ST8SIA6: variants seen among roughly 807,000 people sequenced by gnomAD.
ST8SIA6 encodes ST8 alpha-N-acetyl-neuraminide alpha-2,8-sialyltransferase 6.
ST8SIA6 carries 39 observed loss-of-function variants against 33.6 expected under a neutral mutation model. The observed-to-expected ratio is 1.16, with a 90% confidence interval of 0.90 to 1.52. The LOEUF (loss-of-function observed/expected upper bound fraction) is 1.52. Among genes scored for constraint, ST8SIA6 ranks in the 40% most tolerant of loss-of-function variants. The pLI is 0.00. For synonymous variants in ST8SIA6, 172 were observed against 167.2 expected (o/e 1.03, Z -0.22); for missense variants, 441 against 443.8 (o/e 0.99, Z 0.06).
chr10:17,401,609 C>T (rs1851046014), intron 2 of ST8SIA6, among the ~76,000 whole-genome samples: 1 of 152,088 alleles, frequency 6.6e-6, no homozygotes, highest in Non-Finnish European at 1.5e-5. Flanking sequence ...CAGAACTGAG[C>T]CCTCAGAAAT....
At chr10:17,433,684 G>A (rs764746925) in intron 2 of ST8SIA6, among the ~76,000 whole-genome samples, 1 of 152,142 alleles carries the variant, frequency 6.6e-6, no homozygotes, top group Non-Finnish European at 1.5e-5. Flanking sequence ...GGCCATCCTG[G>A]CTTGAATATC....
chr10:17,337,403 A>G (rs1049528642), intron 4 of ST8SIA6, among the ~76,000 whole-genome samples: 2 of 152,224 alleles, frequency 1.3e-5, no homozygotes, highest in Non-Finnish European at 2.9e-5. Flanking sequence ...TGGATGTACC[A>G]GAGTTGGTTT....
At chr10:17,420,275 G>A (rs1478809858) in intron 2 of ST8SIA6, among the ~76,000 whole-genome samples, 2 of 152,150 alleles carry the variant, frequency 1.3e-5, no homozygotes, top group Non-Finnish European at 2.9e-5. Flanking sequence ...AGCTGGGTGT[G>A]GTGGCGGGCG....
At chr10:17,448,595 A>ATTGTTGTTG (rs199508692) in intron 2 of ST8SIA6, among the ~76,000 whole-genome samples, 8 of 129,722 alleles carry the variant, frequency 6.2e-5, no homozygotes, top group African/African-American at 1.1e-4. Flanking sequence ...CAGGGTTTTT[A>ATTGTTGTTG]TTGTTGTTGT....
At chr10:17,426,980 T>C (rs1015618532) in intron 2 of ST8SIA6, among the ~76,000 whole-genome samples, 4 of 152,048 alleles carry the variant, frequency 2.6e-5, no homozygotes, top group Admixed American at 2.0e-4. Flanking sequence ...TGTGCACCTG[T>C]AGTCCCAGCT....
At chr10:17,396,337 T>G (rs1850805332) in intron 2 of ST8SIA6, among the ~76,000 whole-genome samples, 1 of 152,202 alleles carries the variant, frequency 6.6e-6, no homozygotes. Context: ...TTTGGTGCCT[T>G]GGTAAATTCA....
intron 2 of ST8SIA6, among the ~76,000 whole-genome samples, chr10:17,411,490 G>C (rs1204004946): frequency 6.6e-6 from 1 of 152,102 alleles, no homozygotes; most frequent in Non-Finnish European, 1.5e-5. Flanking sequence ...GCCCAGACTT[G>C]AACTCTTGAT....
intron 4 of ST8SIA6, among the ~76,000 whole-genome samples, chr10:17,333,286 G>T (rs148415729): frequency 6.6e-6 from 1 of 152,028 alleles, no homozygotes; most frequent in African/African-American, 2.4e-5. Flanking sequence ...TGGATAGAAA[G>T]AATCAATATT....
intron 3 of ST8SIA6, among the ~76,000 whole-genome samples, chr10:17,375,761 A>G (rs535460372): frequency 3.3e-5 from 5 of 152,330 alleles, no homozygotes; most frequent in Non-Finnish European, 7.3e-5. Context: ...GTTACAGGGC[A>G]GTGGCTTACA....
At chr10:17,341,082 G>C (rs985266130) in intron 4 of ST8SIA6, among the ~76,000 whole-genome samples, 4 of 152,234 alleles carry the variant, frequency 2.6e-5, no homozygotes, top group African/African-American at 4.8e-5. Flanking sequence ...ATTGAAGTCA[G>C]GAAGATTTAC....
chr10:17,357,272 C>T (rs1260589189), intron 4 of ST8SIA6, among the ~76,000 whole-genome samples: 1 of 151,298 alleles, frequency 6.6e-6, no homozygotes, highest in Non-Finnish European at 1.5e-5. Flanking sequence ...ATTACAAGTG[C>T]ATGCCACCAC....
intron 4 of ST8SIA6, among the ~76,000 whole-genome samples, chr10:17,350,661 T>A (rs1469268183): frequency 1.3e-5 from 2 of 151,938 alleles, no homozygotes; most frequent in Non-Finnish European, 2.9e-5. Context: ...TTTTTTTTTT[T>A]AGCAACACTT....
intron 2 of ST8SIA6, among the ~76,000 whole-genome samples, chr10:17,404,905 T>C (rs1340410036): frequency 1.3e-5 from 2 of 152,166 alleles, no homozygotes; most frequent in African/African-American, 4.8e-5. Context: ...TTCTATAAAT[T>C]GTGCATAACT....
In ST8SIA6 at chr10:17,320,806, T is replaced by C. The variant is rs1847916548; in HGVS notation, c.*72A>G. ...CTCAAAATACTCTTTAGCCACCTCC[T>C]TTGGTGTTTGGAGACATTGTTAATC... On this transcript the variant is annotated 3_prime_UTR_variant, in exon 8 of 8. Transcript: ENST00000377602. 2.7e-6 allele frequency: 4 copies of C among 1,508,130 alleles called. No homozygotes were observed. In the African/African-American group the frequency reaches 5.5e-5, roughly 21 times the overall value. 93.4% of individuals were successfully genotyped at this position (1,508,130 alleles called of 1,614,324 possible).
At chr10:17,348,083 CAAAA>C (rs55680958) in intron 4 of ST8SIA6, among the ~76,000 whole-genome samples, 2 of 145,442 alleles carry the variant, frequency 1.4e-5, no homozygotes, top group Admixed American at 6.9e-5. Context: ...AATTTGCAGA[CAAAA>C]AAAAAATCTA....
intron 2 of ST8SIA6, among the ~76,000 whole-genome samples, chr10:17,413,052 A>C (rs1233098096): frequency 6.6e-6 from 1 of 152,208 alleles, no homozygotes; most frequent in African/African-American, 2.4e-5. Flanking sequence ...ACATTAGTAT[A>C]AGAGAACTAA....
chr10:17,365,564 C>T (rs867629320), intron 3 of ST8SIA6, among the ~76,000 whole-genome samples: 1 of 152,162 alleles, frequency 6.6e-6, no homozygotes, highest in Admixed American at 6.5e-5. Flanking sequence ...TAAATCATCC[C>T]TCCATTCAGC....
intron 4 of ST8SIA6, 57 bp downstream of exon 4, chr10:17,359,457 A>G: frequency 1.4e-6 from 2 of 1,379,388 alleles, no homozygotes; most frequent in Non-Finnish European, 2.0e-6. Flanking sequence ...CTATTTTTCT[A>G]CAAAGCAAAT....
intron 3 of ST8SIA6, among the ~76,000 whole-genome samples, chr10:17,386,136 G>A (rs1424385188): frequency 6.6e-6 from 1 of 151,980 alleles, no homozygotes; most frequent in Admixed American, 6.6e-5. Flanking sequence ...AGCTGTGTTC[G>A]TGCCACTGCA....
Sources: allele counts gnomAD v4.1 joint callset (sites outside exome capture counted in the v4.1 genomes callset), GRCh38; gene constraint gnomAD v4.1.1; transcripts MANE v1.5; gene names NCBI Gene and HGNC (gene_info 2026-07-23, HGNC 2026-07-21).